HIP1: variants seen among roughly 807,000 people sequenced by gnomAD.
HIP1 encodes the protein huntingtin-interacting protein 1.
In HIP1, 65 loss-of-function variants were observed where a neutral mutation model predicts 147.6. That is an observed-to-expected ratio of 0.44 (90% CI 0.36 to 0.54). The LOEUF (loss-of-function observed/expected upper bound fraction) is 0.54. Among genes scored for constraint, HIP1 ranks in the 20% least tolerant of loss-of-function variants. The pLI is 0.00. For missense variants in HIP1, 1,061 were observed against 1,299.6 expected, an observed-to-expected ratio of 0.82 and a Z score of 2.82; for synonymous variants, 479 against 504.0, an observed-to-expected ratio of 0.95 and a Z score of 0.67.
chr7:75,622,989 G>A (rs1486578831), intron 1 of HIP1, among the ~76,000 whole-genome samples: 1 of 151,860 alleles, frequency 6.6e-6, no homozygotes, highest in Non-Finnish European at 1.5e-5. Flanking sequence ...CCTGAGGTCA[G>A]GAGTTTGAGA....
At chr7:75,561,484 A>G (rs587707195) in intron 12 of HIP1, 83 bp from the exon 13 acceptor site, 18 of 890,764 alleles carry the variant, frequency 2.0e-5, no homozygotes, top group African/African-American at 1.5e-4. Flanking sequence ...GAGGAAATTA[A>G]AAGCTGGTAT....
rs1794995577 is a variant in HIP1, at chr7:75,556,122, C to A, written c.1731G>T (p.Arg577=). 5 of 1,614,160 alleles carry A rather than the reference C, an allele frequency of 3.1e-6. No homozygotes were observed. The Middle Eastern group carries it at 8.3e-4, about 266-fold the overall frequency. Residue 577 remains arginine, a synonymous_variant, in exon 18 of 31, where the codon CGG becomes CGT. Coordinates refer to ENST00000336926, the MANE Select transcript of HIP1 (RefSeq NM_005338.7). ...AAEFAELEKE[R]DSLVSGAAHR... ...GAGCTGCGCCACTCACCAGGCTGTCCCGCTCCTTCTCTAGCTCGGCGAACT... is the reference window on the plus strand; with the variant it reads ...GAGCTGCGCCACTCACCAGGCTGTCACGCTCCTTCTCTAGCTCGGCGAACT...
intron 7 of HIP1, among the ~76,000 whole-genome samples, chr7:75,576,358 G>A (rs1185585128): frequency 2.6e-5 from 4 of 152,144 alleles, no homozygotes; most frequent in Admixed American, 2.0e-4. Context: ...CCCCAGAACC[G>A]CCCCACCATC....
intron 8 of HIP1, among the ~76,000 whole-genome samples, chr7:75,569,051 C>T (rs1045121771): frequency 5.9e-5 from 9 of 151,902 alleles, no homozygotes; most frequent in African/African-American, 1.5e-4. Context: ...GTTCCAGTCC[C>T]GGCTTGGTTG....
At chr7:75,738,384 T>C (rs1802094297) in intron 1 of HIP1, among the ~76,000 whole-genome samples, 1 of 152,094 alleles carries the variant, frequency 6.6e-6, no homozygotes, top group African/African-American at 2.4e-5. Context: ...CCCCTCACCC[T>C]TCACATTCCC....
At chr7:75,643,510 G>A (rs534451051) in intron 1 of HIP1, among the ~76,000 whole-genome samples, 5 of 152,292 alleles carry the variant, frequency 3.3e-5, no homozygotes, top group East Asian at 3.9e-4. Flanking sequence ...CAGGAAAGGC[G>A]TAGAATGGGT....
chr7:75,731,048 G>A (rs1028773993), intron 1 of HIP1, among the ~76,000 whole-genome samples: 3 of 151,744 alleles, frequency 2.0e-5, no homozygotes, highest in Non-Finnish European at 2.9e-5. Flanking sequence ...AAATGTTGAC[G>A]ATTACCATTA....
In HIP1 at chr7:75,719,253, C is replaced by G. The variant is rs1554520883; in HGVS notation, c.120+19548G>C. On this transcript the variant is annotated intron_variant, in intron 1 of 30. Transcript: ENST00000336926. ...GGCGTGGTGGCTCATGCTTATAATC[C>G]CAGCACTTTGGGAGGCCAAGGCGGG... 5.3e-5 allele frequency among the ~76,000 whole-genome samples: 8 copies of G among 151,740 alleles called. No individual in the cohort carries two copies. The South Asian group carries it at 1.5e-3, about 28-fold the overall frequency.
intron 1 of HIP1, among the ~76,000 whole-genome samples, chr7:75,664,292 GTA>G: frequency 1.3e-5 from 1 of 74,514 alleles, no homozygotes; most frequent in Non-Finnish European, 3.0e-5. Flanking sequence ...ACACATATAT[GTA>G]TGTATATATG....
At chr7:75,635,580 A>G (rs1554509549) in intron 1 of HIP1, among the ~76,000 whole-genome samples, 1 of 149,256 alleles carries the variant, frequency 6.7e-6, no homozygotes, top group African/African-American at 2.4e-5. Flanking sequence ...TCCATCTCAA[A>G]AAAAAAAAAA....
intron 1 of HIP1, among the ~76,000 whole-genome samples, chr7:75,640,535 T>C (rs1798615673): frequency 6.6e-6 from 1 of 152,098 alleles, no homozygotes; most frequent in African/African-American, 2.4e-5. Flanking sequence ...GCAGATTGCT[T>C]GAGGCCAGGA....
chr7:75,576,046 C>G (rs931061628), intron 7 of HIP1, among the ~76,000 whole-genome samples: 8 of 152,210 alleles, frequency 5.3e-5, no homozygotes, highest in African/African-American at 1.9e-4. Flanking sequence ...CTGGCAGGAA[C>G]CACGGGCTGT....
chr7:75,617,330 C>T (rs587651780), intron 1 of HIP1, among the ~76,000 whole-genome samples: 4 of 152,188 alleles, frequency 2.6e-5, no homozygotes, highest in African/African-American at 7.2e-5. Flanking sequence ...CCTCCTGCCT[C>T]GGCTTCCCAA....
intron 1 of HIP1, among the ~76,000 whole-genome samples, chr7:75,601,998 CTT>C (rs782403734): frequency 2.1e-5 from 3 of 142,428 alleles, no homozygotes; most frequent in African/African-American, 2.6e-5. Context: ...GAAATAAAAA[CTT>C]TTTTTTTTTT....
At position 75,533,417 on chromosome 7, in the gene HIP1, C is replaced by T. The variant is rs1554487961; in HGVS notation, c.*4755G>A. Reference sequence around the variant, plus strand: ...GAGGGAAACAGAAGCCAGTGGCCACCTGCCCTGGGAAGGTAGGCACTCAGT... The same window carrying T: ...GAGGGAAACAGAAGCCAGTGGCCACTTGCCCTGGGAAGGTAGGCACTCAGT... On this transcript the variant is annotated 3_prime_UTR_variant, in exon 31 of 31. Coordinates refer to ENST00000336926, the MANE Select transcript of HIP1 (RefSeq NM_005338.7). 1 of 231,176 alleles carries T rather than the reference C, an allele frequency of 4.3e-6. No homozygotes were observed. The highest frequency in any genetic ancestry group is 2.2e-5 in the African/African-American group (1 of 45,218). 14.3% of individuals were successfully genotyped at this position (231,176 alleles called of 1,614,324 possible).
chr7:75,557,543 G>A (rs1584794342), intron 16 of HIP1, 111 bp downstream of exon 16: 1 of 781,286 alleles, frequency 1.3e-6, no homozygotes, highest in African/African-American at 1.7e-5. Context: ...TCCCTGCTGT[G>A]TGATGCCAAC....
intron 5 of HIP1, among the ~76,000 whole-genome samples, chr7:75,583,365 A>G (rs1796128308): frequency 6.6e-6 from 1 of 152,012 alleles, no homozygotes; most frequent in African/African-American, 2.4e-5. Flanking sequence ...TGGTGTCACT[A>G]TGCATTCACG....
chr7:75,607,239 T>C (rs1326142216), intron 1 of HIP1, among the ~76,000 whole-genome samples: 1 of 148,472 alleles, frequency 6.7e-6, no homozygotes, highest in African/African-American at 2.5e-5. Context: ...TTTTGTTTTT[T>C]TTTTTTTTGA....
chr7:75,555,381 C>A, intron 19 of HIP1, 35 bp downstream of exon 19: 6 of 1,611,732 alleles, frequency 3.7e-6, no homozygotes, highest in Non-Finnish European at 5.1e-6. Flanking sequence ...GCTGTAAGGA[C>A]CTGGCCCCTG....
Sources: allele counts gnomAD v4.1 joint callset (sites outside exome capture counted in the v4.1 genomes callset), GRCh38; gene constraint gnomAD v4.1.1; transcripts MANE v1.5; gene names NCBI Gene and HGNC (gene_info 2026-07-23, HGNC 2026-07-21).